The following CHD6 variants were observed in gnomAD, a reference collection of about 807,000 sequenced individuals.
CHD6 encodes the protein chromodomain helicase DNA binding protein 6, also known as ATP-dependent chromatin remodeler CHD6.
Under a neutral mutation model 276.9 loss-of-function variants are expected in CHD6, and 50 were observed. The observed-to-expected ratio is 0.18, with a 90% CI of 0.14 to 0.23. The LOEUF (loss-of-function observed/expected upper bound fraction) is 0.23. Among genes scored for constraint, CHD6 ranks in the 10% least tolerant of loss-of-function variants. CHD6 has a pLI of 1.00. For synonymous variants in CHD6, 1,173 were observed against 1,229.3 expected (o/e 0.95, Z 0.96); for missense variants, 2,564 against 3,365.8 (o/e 0.76, Z 5.89).
chr20:41,504,402 TC>T (rs1444688402), intron 5 of CHD6, among the ~76,000 whole-genome samples: 5 of 137,916 alleles, frequency 3.6e-5, no homozygotes, highest in East Asian at 2.5e-4. Flanking sequence ...TCCTCTATTT[TC>T]TTTTTTTTTT....
In CHD6 at chr20:41,551,216, G is replaced by A. The variant is rs561934414; in HGVS notation, c.33+89C>T. 223 of 843,536 alleles carry A rather than the reference G, an allele frequency of 2.6e-4. 3 individuals are homozygous for A. In the South Asian group the frequency reaches 3.0e-3, roughly 11 times the overall value. 52.3% of individuals were successfully genotyped at this position (843,536 alleles called of 1,614,324 possible). A position where few individuals can be genotyped will look rare whatever the true frequency, so the allele number is the denominator to read the frequency against. ...AACAGGGAAAGTACCAGAGATTAAG[G>A]GATAAGCCAACACTGCCAGTGTCTC... On this transcript the variant is annotated intron_variant, in intron 2 of 36. Transcript: ENST00000373233.
rs573305969 is a variant in CHD6 at position 41,518,077 on chromosome 20, G to A, written c.555-3125C>T. Among the ~76,000 whole-genome samples the A allele has an allele frequency of 9.9e-5, 15 of 152,270 alleles. No homozygotes were observed. The East Asian group carries it at 2.9e-3, about 29-fold the overall frequency. On this transcript the variant is annotated intron_variant, in intron 3 of 36. Coordinates refer to ENST00000373233, the MANE Select transcript of CHD6 (RefSeq NM_032221.5). ...AGCTCTCTTAGAAAAAGGTTTCTTTGACACAAATTTAAAGAAAGCTTACAA... is the reference window on the plus strand; with the variant it reads ...AGCTCTCTTAGAAAAAGGTTTCTTTAACACAAATTTAAAGAAAGCTTACAA...
chr20:41,474,119 T>C (rs2043119297), intron 16 of CHD6, among the ~76,000 whole-genome samples: 1 of 152,146 alleles, frequency 6.6e-6, no homozygotes, highest in South Asian at 2.1e-4. Context: ...AGTAGTACAT[T>C]GCCAAGCATA....
intron 1 of CHD6, among the ~76,000 whole-genome samples, chr20:41,552,449 T>G (rs546957384): frequency 6.6e-5 from 10 of 152,372 alleles, no homozygotes; most frequent in Admixed American, 1.3e-4. Context: ...GGTAGATATG[T>G]TAATTAGCTT....
In CHD6 at chr20:41,586,548, A is replaced by T. The variant is rs528468476; in HGVS notation, c.-24+31792T>A. Reference sequence around the variant, plus strand: ...GAGGCCAAGAACCCCAGGTCAGAGAACAAAAGGCTTGCTGCCATCTTGGGA... The same window carrying T: ...GAGGCCAAGAACCCCAGGTCAGAGATCAAAAGGCTTGCTGCCATCTTGGGA... On this transcript the variant is annotated intron_variant, in intron 1 of 36. Coordinates refer to ENST00000373233, the MANE Select transcript of CHD6 (RefSeq NM_032221.5). Among the ~76,000 whole-genome samples the T allele has an allele frequency of 2.0e-4, 31 of 152,330 alleles. No individual in the cohort carries two copies. The South Asian group carries it at 6.0e-3, about 30-fold the overall frequency.
chr20:41,553,196 G>T (rs1358543504), intron 1 of CHD6, among the ~76,000 whole-genome samples: 4 of 152,042 alleles, frequency 2.6e-5, no homozygotes. Context: ...AAGAAGTTTG[G>T]GGGAAAATTC....
chr20:41,426,926 T>C (rs1200178008), intron 27 of CHD6, among the ~76,000 whole-genome samples: 2 of 152,176 alleles, frequency 1.3e-5, no homozygotes, highest in African/African-American at 4.8e-5. Flanking sequence ...AAACTTACTA[T>C]ATTTTGACTA....
intron 27 of CHD6, among the ~76,000 whole-genome samples, chr20:41,426,469 G>A (rs539570507): frequency 6.6e-6 from 1 of 152,266 alleles, no homozygotes; most frequent in Admixed American, 6.5e-5. Context: ...TACTATTTTA[G>A]TTGTGAATTT....
intron 23 of CHD6, 88 bp downstream of exon 23, chr20:41,450,858 G>A (rs1296455480): frequency 4.9e-6 from 6 of 1,216,250 alleles, no homozygotes; most frequent in African/African-American, 4.5e-5. Context: ...TAGCACAAGA[G>A]CATGAAGTGC....
chr20:41,561,025 A>C (rs1436999881), intron 1 of CHD6, among the ~76,000 whole-genome samples: 1 of 152,194 alleles, frequency 6.6e-6, no homozygotes, highest in Non-Finnish European at 1.5e-5. Flanking sequence ...ATGGAACAGG[A>C]GTCAGCAAGT....
At chr20:41,606,233 C>T (rs1372920149) in intron 1 of CHD6, among the ~76,000 whole-genome samples, 2 of 151,600 alleles carry the variant, frequency 1.3e-5, no homozygotes, top group Non-Finnish European at 2.9e-5. Context: ...AAAAACTGGC[C>T]AGGTGTGGTA....
chr20:41,595,202 C>T (rs775768832), intron 1 of CHD6, among the ~76,000 whole-genome samples: 18 of 152,240 alleles, frequency 1.2e-4, no homozygotes, highest in East Asian at 5.8e-4. Flanking sequence ...GATACTGTGG[C>T]GACCCAGTAA....
intron 28 of CHD6, 78 bp from the exon 29 acceptor site, chr20:41,425,472 T>C: frequency 7.3e-7 from 1 of 1,365,232 alleles, no homozygotes; most frequent in Non-Finnish European, 1.0e-6. Flanking sequence ...TTTGTTTAAA[T>C]AAAAACAAAG....
chr20:41,471,831 G>A (rs771938345), intron 17 of CHD6, among the ~76,000 whole-genome samples: 1 of 152,014 alleles, frequency 6.6e-6, no homozygotes, highest in Non-Finnish European at 1.5e-5. Flanking sequence ...CACCGTGCCC[G>A]GCCATTATTT....
At chr20:41,583,335 A>G (rs2045560291) in intron 1 of CHD6, among the ~76,000 whole-genome samples, 1 of 152,128 alleles carries the variant, frequency 6.6e-6, no homozygotes, top group South Asian at 2.1e-4. Context: ...AAAATTCACC[A>G]GACTACTCAT....
intron 26 of CHD6, among the ~76,000 whole-genome samples, chr20:41,438,661 C>T (rs1027789994): frequency 1.3e-5 from 2 of 152,176 alleles, no homozygotes; most frequent in African/African-American, 4.8e-5. Context: ...CCTTGATGCT[C>T]AAGTCCTAGA....
chr20:41,452,824 G>A lies in CHD6; in HGVS notation c.3239C>T (p.Thr1080Met), dbSNP rs778940797. 1.3e-5 allele frequency: 21 copies of A among 1,613,464 alleles called. No homozygotes were observed. Among genetic ancestry groups the A allele is most frequent in the East Asian group, 6.7e-5 (3 of 44,844 alleles). The stretch of plus-strand genomic sequence containing the variant: ...TTTGTCATTGAGGCGCCTGGATCTC[G>A]TGGGCCTTTCGTCTGAGTCGCTGTC... ...ELDSDSDERP[T>M]RSRRLNDKAR... The change falls in exon 21 of 37, where the codon ACG becomes ATG. Residue 1080 changes from threonine to methionine, a missense_variant. Around this residue, in one of 7 missense-constraint regions of CHD6, gnomAD observed 515 missense variants for 739.5 expected, o/e 0.70. Coordinates refer to ENST00000373233, the MANE Select transcript of CHD6 (RefSeq NM_032221.5). The surrounding 1 kb of genome is among the most constrained non-coding windows in gnomAD (Gnocchi z 4.2).
intron 1 of CHD6, among the ~76,000 whole-genome samples, chr20:41,556,072 A>G (rs1015850484): frequency 1.1e-4 from 17 of 152,096 alleles, no homozygotes; most frequent in South Asian, 2.1e-4. Flanking sequence ...CAACACAGCG[A>G]AACCCCGTCT....
At chr20:41,476,902 A>G (rs1485546715) in intron 16 of CHD6, among the ~76,000 whole-genome samples, 1 of 152,168 alleles carries the variant, frequency 6.6e-6, no homozygotes, top group Admixed American at 6.5e-5. Context: ...ATCTATACAT[A>G]CACACACATT....
Sources: gnomAD v4.1 joint callset for allele counts (sites outside exome capture counted in the v4.1 genomes callset) on GRCh38, gnomAD v4.1.1 for gene constraint, gnomAD v4.1.1 regional missense constraint, Gnocchi (gnomAD v3.1) non-coding constraint, MANE v1.5 for transcripts, NCBI Gene and HGNC (gene_info 2026-07-23, HGNC 2026-07-21) for gene names.